The following JPT2 variants were observed in gnomAD, a reference collection of about 807,000 sequenced individuals.
JPT2 encodes CRAMP_1 like.
In JPT2, 9 loss-of-function variants were observed where a neutral mutation model predicts 15.9. The observed-to-expected ratio is 0.57, with a 90% CI of 0.34 to 0.99. The LOEUF (loss-of-function observed/expected upper bound fraction) is 0.99, where lower values mean the gene tolerates loss of function less well. Ranked by LOEUF, JPT2 falls within the 50% of genes least tolerant of loss-of-function variation. The pLI, the probability that JPT2 is intolerant of heterozygous loss-of-function variation, is 0.02. For synonymous variants in JPT2, 95 were observed against 91.7 expected, an observed-to-expected ratio of 1.04 and a Z score of -0.21; for missense variants, 267 against 252.1, an observed-to-expected ratio of 1.06 and a Z score of -0.40.
intron 3 of JPT2, among the ~76,000 whole-genome samples, chr16:1,693,313 T>TCAA (rs1381044098): frequency 1.3e-5 from 2 of 152,278 alleles, no homozygotes; most frequent in African/African-American, 4.8e-5. Context: ...GCCAGGCTGG[T>TCAA]CTTGAACTCC....
rs998964729 is a variant in JPT2, at chr16:1,694,344, A to T, written c.336+2359A>T. ...AATCAGACCAAGCCACATATTAATT[A>T]ACACCACAGAGCTGCGCTCAGAACA... On this transcript the variant is annotated intron_variant, in intron 3 of 4. Coordinates refer to ENST00000248098, the MANE Select transcript of JPT2 (RefSeq NM_144570.3). 3.7e-4 allele frequency among the ~76,000 whole-genome samples: 56 copies of T among 152,336 alleles called. 1 individual carries two copies. The highest frequency in any genetic ancestry group is 1.3e-3 in the African/African-American group (54 of 41,588).
Position 1,678,334 on chromosome 16 carries a change from G to T in JPT2, c.22G>T (p.Glu8Ter). The part of the protein sequence containing the change: MFQVPDS[E>*]GGRAGSRAMK... ...CGACATGTTCCAGGTCCCGGATAGCGAGGGCGGCCGCGCCGGCTCCAGGTG... is the reference window on the plus strand; with the variant it reads ...CGACATGTTCCAGGTCCCGGATAGCTAGGGCGGCCGCGCCGGCTCCAGGTG... The change falls in exon 1 of 5, where the codon GAG becomes TAG. Residue 8 changes from glutamate to a stop codon, truncating the protein, a stop_gained. Transcript: ENST00000248098. LOFTEE classifies it high-confidence loss of function. 1.6e-6 allele frequency: 2 copies of T among 1,235,326 alleles called. No homozygotes were observed. The highest frequency in any genetic ancestry group is 2.0e-6 in the Non-Finnish European group (2 of 987,110). 76.5% of individuals were successfully genotyped at this position (1,235,326 alleles called of 1,614,324 possible). A position where few individuals can be genotyped will look rare whatever the true frequency, so the allele number is the denominator to read the frequency against.
chr16:1,681,875 G>A (rs1406086991), intron 1 of JPT2, among the ~76,000 whole-genome samples: 1 of 152,200 alleles, frequency 6.6e-6, no homozygotes, highest in African/African-American at 2.4e-5. Flanking sequence ...CCTGGAATCA[G>A]ATCTGACAGT....
Position 1,700,065 on chromosome 16 carries a change from C to A in JPT2, c.*1067C>A, listed in dbSNP as rs138304158. The A allele has an allele frequency of 2.3e-6, 1 of 441,626 alleles. No homozygotes were observed. The highest frequency in any genetic ancestry group is 4.6e-6 in the Non-Finnish European group (1 of 216,388). 27.4% of individuals were successfully genotyped at this position (441,626 alleles called of 1,614,324 possible). A position where few individuals can be genotyped will look rare whatever the true frequency, so the allele number is the denominator to read the frequency against. ...TGTTGACTCTGGTCTGTTTCTGACA[C>A]CTTTCCAGAAAAAAGTCAATTGTTC... On this transcript the variant is annotated 3_prime_UTR_variant, in exon 5 of 5. Coordinates refer to ENST00000248098, the MANE Select transcript of JPT2 (RefSeq NM_144570.3).
intron 1 of JPT2, chr16:1,683,741 C>G (rs1180068008): frequency 1.7e-6 from 1 of 594,862 alleles, no homozygotes; most frequent in East Asian, 3.0e-5. Flanking sequence ...CCTCAGCGCT[C>G]TTTCTAGATC....
chr16:1,700,741 C>A lies in JPT2; in HGVS notation c.*1743C>A, dbSNP rs931456535. 6.5e-6 allele frequency: 1 copy of A among 152,732 alleles called. No individual in the cohort carries two copies. Among genetic ancestry groups the A allele is most frequent in the Non-Finnish European group, 1.5e-5 (1 of 68,284 alleles). The allele number at this position is 152,732 out of a possible 1,614,324, so 9.5% of individuals were successfully genotyped here. On this transcript the variant is annotated 3_prime_UTR_variant, in exon 5 of 5. Transcript: ENST00000248098. ...GAAACAGTTTAATGGTGGAAATGAACTACCATTTATAACTTCTGTTTTTTT... is the reference window on the plus strand; with the variant it reads ...GAAACAGTTTAATGGTGGAAATGAAATACCATTTATAACTTCTGTTTTTTT...
At chr16:1,693,922 A>AC (rs373822663) in intron 3 of JPT2, among the ~76,000 whole-genome samples, 146 of 152,096 alleles carry the variant, frequency 9.6e-4, no homozygotes, top group African/African-American at 3.4e-3. Flanking sequence ...ATTTAAATTC[A>AC]CCAACTGTTC....
At chr16:1,682,910 A>G (rs2037035116) in intron 1 of JPT2, among the ~76,000 whole-genome samples, 1 of 152,112 alleles carries the variant, frequency 6.6e-6, no homozygotes, top group South Asian at 2.1e-4. Context: ...CCTGGGCTCA[A>G]GCCAGCCTTA....
At position 1,701,068 on chromosome 16, in the gene JPT2, T is replaced by A. The variant is rs1317155964; in HGVS notation, c.*2070T>A. 2.0e-5 allele frequency: 3 copies of A among 152,330 alleles called. No homozygotes were observed. The highest frequency in any genetic ancestry group is 2.9e-5 in the Non-Finnish European group (2 of 68,078). 9.4% of individuals were successfully genotyped at this position (152,330 alleles called of 1,614,324 possible). ...GTGGGGTGGGATTCAGAGTGCTTAG[T>A]CTGCTCACTGGGAGAAGAAGAGTTC... is the stretch of plus-strand genomic sequence containing the variant. On this transcript the variant is annotated 3_prime_UTR_variant, in exon 5 of 5. Transcript: ENST00000248098.
At chr16:1,697,713 G>A (rs998404720) in intron 3 of JPT2, 99 bp from the exon 4 acceptor site, 2 of 1,142,104 alleles carry the variant, frequency 1.8e-6, no homozygotes, top group Non-Finnish European at 2.6e-6. Flanking sequence ...AAGCATTTTT[G>A]TAAATTAAAA....
At chr16:1,683,026 G>A (rs767230959) in intron 1 of JPT2, among the ~76,000 whole-genome samples, 4 of 152,132 alleles carry the variant, frequency 2.6e-5, no homozygotes, top group African/African-American at 7.2e-5. Context: ...CACCCAGGCT[G>A]GAATGCAGTG....
intron 1 of JPT2, among the ~76,000 whole-genome samples, chr16:1,678,557 G>A (rs2036992630): frequency 6.6e-6 from 1 of 152,138 alleles, no homozygotes; most frequent in Non-Finnish European, 1.5e-5. Flanking sequence ...CGCTCGCTGA[G>A]GCCCGGGCTG....
chr16:1,692,930 CAGAA>C (rs1169072653), intron 3 of JPT2, among the ~76,000 whole-genome samples: 1 of 152,090 alleles, frequency 6.6e-6, no homozygotes, highest in Non-Finnish European at 1.5e-5. Context: ...GAAATGTAGA[CAGAA>C]AGGAGAGGAC....
chr16:1,691,703 C>A, intron 2 of JPT2, 140 bp from the exon 3 acceptor site: 1 of 969,300 alleles, frequency 1.0e-6, no homozygotes, highest in Non-Finnish European at 1.5e-6. Flanking sequence ...TCAGTCTGAG[C>A]ATCCTGCCCT....
chr16:1,690,451 A>G (rs1869203311), intron 2 of JPT2: 1 of 152,222 alleles, frequency 6.6e-6, no homozygotes. Flanking sequence ...CTACTTCAGA[A>G]CACTGACTCC....
At chr16:1,685,987 C>CT in intron 2 of JPT2, 1 of 179,018 alleles carries the variant, frequency 5.6e-6, no homozygotes, top group South Asian at 1.3e-4. Context: ...GATTGAAACT[C>CT]TTAACAAGGA....
intron 2 of JPT2, chr16:1,688,686 C>G (rs1326687653): frequency 6.6e-6 from 1 of 152,076 alleles, no homozygotes; most frequent in Non-Finnish European, 1.5e-5. Flanking sequence ...CTGGCTTGGG[C>G]AACATAGCGA....
chr16:1,698,813 G>T lies in JPT2; in HGVS notation c.388G>T (p.Ala130Ser), dbSNP rs774262361. 6.2e-7 allele frequency: 1 copy of T among 1,610,346 alleles called. No homozygotes were observed. The highest frequency in any genetic ancestry group is 8.5e-7 in the Non-Finnish European group (1 of 1,178,614). Reference protein sequence around the residue: ...GEEPKSDLKAARSIPAGAEPG... With the variant: ...GEEPKSDLKASRSIPAGAEPG... ...TGTTCTAACTTTGTGTCCCACAGCT[G>T]CAAGGAGCATCCCGGCTGGAGCAGA... The change falls in exon 5 of 5, where the codon GCA becomes TCA. Residue 130 changes from alanine to serine, a missense_variant and splice_region_variant. Transcript: ENST00000248098. This position sits in a 1 kb window ranked among gnomAD's most constrained non-coding sequence, Gnocchi z 4.9.
chr16:1,681,044 C>G (rs1009488414), intron 1 of JPT2, among the ~76,000 whole-genome samples: 6 of 152,150 alleles, frequency 3.9e-5, no homozygotes, highest in African/African-American at 1.4e-4. Flanking sequence ...GGAAGGGGTA[C>G]CACAAAAGGC....
Sources: allele counts gnomAD v4.1 joint callset (sites outside exome capture counted in the v4.1 genomes callset), GRCh38; gene constraint gnomAD v4.1.1; non-coding constraint Gnocchi (gnomAD v3.1); transcripts MANE v1.5; gene names NCBI Gene and HGNC (gene_info 2026-07-23, HGNC 2026-07-21).